STX8: variants seen among roughly 807,000 people sequenced by gnomAD.
STX8 encodes syntaxin-8.
A neutral mutation model predicts 37.5 loss-of-function variants in STX8; 23 were observed. That is an observed-to-expected ratio of 0.61 (90% CI 0.44 to 0.87). The LOEUF is 0.87. Ranked by LOEUF, STX8 falls within the 40% of genes least tolerant of loss-of-function variation. The pLI is 0.00. For missense variants in STX8, 313 were observed against 284.7 expected (o/e 1.10, Z -0.71); for synonymous variants, 115 against 99.1 (o/e 1.16, Z -0.95).
At chr17:9,567,288 CT>C (rs1907500339) in intron 2 of STX8, among the ~76,000 whole-genome samples, 2 of 152,178 alleles carry the variant, frequency 1.3e-5, no homozygotes, top group Non-Finnish European at 2.9e-5. Context: ...ATATGTACCC[CT>C]GAACTTGAAA....
Position 9,533,488 on chromosome 17 carries a change from C to G in STX8, c.323+11684G>C, listed in dbSNP as rs1044496746. Among the ~76,000 whole-genome samples the G allele has an allele frequency of 2.6e-5, 4 of 152,028 alleles. No homozygotes were observed. The South Asian group carries it at 8.3e-4, about 32-fold the overall frequency. The stretch of plus-strand genomic sequence containing the variant: ...TCGAAACAAAACAAAACAAAAAAAC[C>G]GCTTGCACTTCAAAAGTACTTCTCC... On this transcript the variant is annotated intron_variant, in intron 4 of 7. Coordinates refer to ENST00000306357, the MANE Select transcript of STX8 (RefSeq NM_004853.3).
At chr17:9,276,978 C>G (rs1302024403) in intron 7 of STX8, among the ~76,000 whole-genome samples, 1 of 150,862 alleles carries the variant, frequency 6.6e-6, no homozygotes, top group Non-Finnish European at 1.5e-5. Context: ...CTATGTTGCC[C>G]AGGCTGGAGT....
At chr17:9,548,474 CAAAATAT>C (rs1444180434) in intron 3 of STX8, 1 of 152,142 alleles carries the variant, frequency 6.6e-6, no homozygotes, top group Non-Finnish European at 1.5e-5. Flanking sequence ...AAATACCTAA[CAAAATAT>C]AAAAGGTACA....
Position 9,557,523 on chromosome 17 carries a change from G to A in STX8, c.123C>T (p.Thr41=), listed in dbSNP as rs761262283. 29 of 1,613,608 alleles carry A rather than the reference G, an allele frequency of 1.8e-5. No homozygotes were observed. The Admixed American group carries it at 2.5e-4, about 14-fold the overall frequency. The change falls in exon 3 of 8, where the codon ACC becomes ACT. Residue 41 remains threonine, a synonymous_variant. Transcript: ENST00000306357. Reference sequence around the variant, plus strand: ...TCTGCAACAAAGCTCTGATTGTCACGGTAAGCTGAAAAGAAAAGAACACAT... The same window carrying A: ...TCTGCAACAAAGCTCTGATTGTCACAGTAAGCTGAAAAGAAAAGAACACAT... ...ERKGEKAPKL[T]VTIRALLQNL... is the part of the protein sequence containing the mutation.
chr17:9,526,254 T>C (rs1905565529), intron 4 of STX8, among the ~76,000 whole-genome samples: 1 of 152,210 alleles, frequency 6.6e-6, no homozygotes. Flanking sequence ...TGATTCACCA[T>C]GGGCACAACG....
At chr17:9,335,698 A>G (rs56381634) in intron 7 of STX8, among the ~76,000 whole-genome samples, 24,183 of 152,108 alleles carry the variant, frequency 0.16, 2,457 homozygotes, top group Non-Finnish European at 0.22. Flanking sequence ...ATAACCTTCA[A>G]TAAGTTTTTT....
intron 4 of STX8, among the ~76,000 whole-genome samples, chr17:9,538,214 G>C (rs1240986402): frequency 1.3e-5 from 2 of 152,318 alleles, no homozygotes; most frequent in East Asian, 3.9e-4. Flanking sequence ...TTGCACATCA[G>C]AAAAGCTAGG....
intron 6 of STX8, among the ~76,000 whole-genome samples, chr17:9,428,198 G>C (rs1381735215): frequency 6.6e-6 from 1 of 152,150 alleles, no homozygotes; most frequent in Non-Finnish European, 1.5e-5. Context: ...GACAATTCAG[G>C]CAAGTCTTTT....
At chr17:9,538,721 A>C (rs1244725253) in intron 4 of STX8, among the ~76,000 whole-genome samples, 2 of 152,182 alleles carry the variant, frequency 1.3e-5, no homozygotes, top group Non-Finnish European at 2.9e-5. Context: ...CTCAAACTCT[A>C]AACAACTTCC....
intron 7 of STX8, chr17:9,283,058 G>T (rs2142154403): frequency 6.6e-6 from 1 of 152,136 alleles, no homozygotes; most frequent in South Asian, 2.1e-4. Context: ...GGATTCCAGG[G>T]GACAAGAGAG....
intron 4 of STX8, among the ~76,000 whole-genome samples, chr17:9,532,163 G>GA (rs528161988): frequency 0.053 from 7,512 of 141,836 alleles, 660 homozygotes; most frequent in African/African-American, 0.18. Context: ...CATGGTGAGG[G>GA]AAAAAAAAAA....
chr17:9,453,482 C>T (rs557430389), intron 6 of STX8, among the ~76,000 whole-genome samples: 1 of 146,448 alleles, frequency 6.8e-6, no homozygotes, highest in African/African-American at 2.5e-5. Context: ...CCTGTCACTA[C>T]TCATCTTTTT....
chr17:9,294,353 GGTGGGC>G (rs1908436583), intron 7 of STX8, among the ~76,000 whole-genome samples: 1 of 152,236 alleles, frequency 6.6e-6, no homozygotes, highest in East Asian at 1.9e-4. Flanking sequence ...AAAACCCTAT[GGTGGGC>G]CTCAATGGCT....
chr17:9,572,446 G>A (rs1420559657), intron 1 of STX8, among the ~76,000 whole-genome samples: 1 of 152,190 alleles, frequency 6.6e-6, no homozygotes, highest in Non-Finnish European at 1.5e-5. Context: ...GTCTCGCTCT[G>A]TCGCCCAGGC....
At chr17:9,407,268 TC>T (rs1435812900) in intron 6 of STX8, among the ~76,000 whole-genome samples, 17 of 151,964 alleles carry the variant, frequency 1.1e-4, no homozygotes, top group African/African-American at 2.7e-4. Context: ...TCTCAAGTGA[TC>T]CCCCCTGCCT....
At position 9,256,390 on chromosome 17, in the gene STX8, T is replaced by C. The variant is rs546077752; in HGVS notation, c.644-5745A>G. ...TTCTTCTCTTTTCATCCTCTTCTCT[T>C]TCTCCCTCCCTCCTTCCCTTCCTTA... On this transcript the variant is annotated intron_variant, in intron 7 of 7. Transcript: ENST00000306357. Among the ~76,000 whole-genome samples, 4 of 152,258 alleles carry C rather than the reference T, an allele frequency of 2.6e-5. No individual in the cohort carries two copies. In the South Asian group the frequency reaches 8.3e-4, roughly 32 times the overall value.
intron 7 of STX8, among the ~76,000 whole-genome samples, chr17:9,351,787 T>C (rs75724410): frequency 0.014 from 2,116 of 152,288 alleles, 54 homozygotes; most frequent in African/African-American, 0.049. Flanking sequence ...ACTACTCTTA[T>C]AGTGTCTGTT....
At chr17:9,275,846 CAA>C (rs1284191701) in intron 7 of STX8, among the ~76,000 whole-genome samples, 1 of 149,110 alleles carries the variant, frequency 6.7e-6, no homozygotes, top group Admixed American at 6.7e-5. Flanking sequence ...CCAGCCTGGT[CAA>C]CAGAGTGAGA....
chr17:9,381,771 C>T (rs959217868), intron 6 of STX8, among the ~76,000 whole-genome samples: 1 of 152,164 alleles, frequency 6.6e-6, no homozygotes, highest in Non-Finnish European at 1.5e-5. Context: ...GAGTTTGAGA[C>T]CAGCCTGGCC....
Sources: allele counts gnomAD v4.1 joint callset (sites outside exome capture counted in the v4.1 genomes callset), GRCh38; gene constraint gnomAD v4.1.1; transcripts MANE v1.5; gene names NCBI Gene and HGNC (gene_info 2026-07-23, HGNC 2026-07-21).